The following GCA variants were observed in gnomAD, a reference collection of about 807,000 sequenced individuals.
GCA encodes the protein grancalcin, also known as grancalcin, EF-hand calcium-binding protein.
In GCA, 30 loss-of-function variants were observed where a neutral mutation model predicts 32.6. The ratio of observed to expected loss-of-function variants is 0.92; its 90% confidence interval spans 0.69 to 1.25. The LOEUF (loss-of-function observed/expected upper bound fraction) is 1.25. Among genes scored for constraint, GCA ranks in the 50% most tolerant of loss-of-function variants. GCA has a pLI of 0.00. For missense variants in GCA, 291 were observed against 266.8 expected (o/e 1.09, Z -0.63); for synonymous variants, 102 against 84.6 (o/e 1.21, Z -1.13).
intron 4 of GCA, 40 bp downstream of exon 4, chr2:162,356,521 T>G: frequency 8.0e-7 from 1 of 1,249,796 alleles, no homozygotes; most frequent in South Asian, 1.2e-5. Flanking sequence ...GAATAAAGAG[T>G]AATTGCTTTC....
At chr2:162,357,524 C>T (rs1272083065) in intron 5 of GCA, among the ~76,000 whole-genome samples, 3 of 151,736 alleles carry the variant, frequency 2.0e-5, no homozygotes, top group Non-Finnish European at 3.0e-5. Context: ...TTGTGATTTA[C>T]ACTCTTCTAA....
chr2:162,373,816 G>T (rs1686056143), downstream of GCA, among the ~76,000 whole-genome samples: 2 of 152,188 alleles, frequency 1.3e-5, no homozygotes, highest in African/African-American at 4.8e-5. Flanking sequence ...TTTCCTGACG[G>T]ATACTTACTG....
chr2:162,351,965 TCTC>T (rs1685020895), intron 2 of GCA, among the ~76,000 whole-genome samples: 1 of 152,242 alleles, frequency 6.6e-6, no homozygotes, highest in East Asian at 1.9e-4. Flanking sequence ...TTATAAATAA[TCTC>T]CTCCCAAAAC....
At chr2:162,348,319 A>G (rs929036173) in intron 2 of GCA, among the ~76,000 whole-genome samples, 1 of 152,102 alleles carries the variant, frequency 6.6e-6, no homozygotes, top group South Asian at 2.1e-4. Flanking sequence ...CCTCACTCCC[A>G]TTTTTTAAAA....
At chr2:162,350,433 C>T (rs942087622) in intron 2 of GCA, among the ~76,000 whole-genome samples, 1 of 152,150 alleles carries the variant, frequency 6.6e-6, no homozygotes, top group Non-Finnish European at 1.5e-5. Context: ...CAATAAACCC[C>T]TATTGGTTTA....
chr2:162,343,102 C>T (rs536536099), upstream of GCA, among the ~76,000 whole-genome samples: 132 of 152,354 alleles, frequency 8.7e-4, 1 homozygote, highest in South Asian at 9.9e-3. Context: ...AGATACTCAG[C>T]TCTGCAAGGC....
At chr2:162,333,046 T>C (rs1262376207) in intron 1 of GCA, among the ~76,000 whole-genome samples, 2 of 152,114 alleles carry the variant, frequency 1.3e-5, no homozygotes, top group Admixed American at 1.3e-4. Context: ...AGAAATATGG[T>C]ATCAGGGCTT....
At chr2:162,328,196 C>A (rs1320478382) in intron 1 of GCA, among the ~76,000 whole-genome samples, 10 of 111,592 alleles carry the variant, frequency 9.0e-5, no homozygotes, top group South Asian at 2.9e-4. Context: ...GCCTGGCCAA[C>A]ATGGTGAAAC....
At chr2:162,331,154 G>T (rs1193588174) in intron 1 of GCA, among the ~76,000 whole-genome samples, 1 of 152,162 alleles carries the variant, frequency 6.6e-6, no homozygotes, top group African/African-American at 2.4e-5. Context: ...TGTGAAAAAT[G>T]TGGCACTAAA....
chr2:162,345,688 C>T (rs918080357), intron 1 of GCA, among the ~76,000 whole-genome samples: 2 of 151,986 alleles, frequency 1.3e-5, no homozygotes, highest in African/African-American at 2.4e-5. Context: ...TATTAATCGC[C>T]GGAAAGAGAA....
rs1188863191 is a variant in GCA at position 162,347,648 on chromosome 2, T to C, written c.98T>C (p.Ile33Thr). ...GQPVPETGPA[I>T]LLDGYSGPAY... is the part of the protein sequence containing the mutation. ...CCAGTGCCAGAAACAGGCCCAGCTA[T>C]ACTCCTCGATGGATACTCTGGGCCA... Residue 33 changes from isoleucine to threonine, a missense_variant, in exon 2 of 8, where the codon ATA becomes ACA. Ile to Thr is a moderately conservative substitution (Grantham distance 89). Transcript: ENST00000437150. 1 of 1,610,626 alleles carries C rather than the reference T, an allele frequency of 6.2e-7. No individual in the cohort carries two copies. Among genetic ancestry groups the C allele is most frequent in the Non-Finnish European group, 8.5e-7 (1 of 1,177,424 alleles).
chr2:162,348,183 G>C (rs1684806146), intron 2 of GCA, among the ~76,000 whole-genome samples: 1 of 152,094 alleles, frequency 6.6e-6, no homozygotes, highest in Non-Finnish European at 1.5e-5. Context: ...CTGAGTGATA[G>C]ATAACACAAA....
intron 1 of GCA, among the ~76,000 whole-genome samples, chr2:162,337,513 T>G (rs1684305894): frequency 6.6e-6 from 1 of 152,238 alleles, no homozygotes; most frequent in African/African-American, 2.4e-5. Context: ...TGCCATCTGC[T>G]TTTTTCTGGT....
At chr2:162,374,294 C>T (rs1015654257), downstream of GCA, among the ~76,000 whole-genome samples, 1 of 152,136 alleles carries the variant, frequency 6.6e-6, no homozygotes, top group Admixed American at 6.6e-5. Context: ...CTTCTAATGA[C>T]CCATCTGGCC....
chr2:162,371,659 C>T (rs534785053), downstream of GCA: 29 of 790,914 alleles, frequency 3.7e-5, no homozygotes, highest in South Asian at 5.7e-4. Flanking sequence ...TATTTACATC[C>T]TAACTGCTCA....
At chr2:162,342,460 G>T (rs1684483741), upstream of GCA, among the ~76,000 whole-genome samples, 1 of 152,140 alleles carries the variant, frequency 6.6e-6, no homozygotes, top group African/African-American at 2.4e-5. Context: ...CCCTCGTTCT[G>T]AAGTCCCACA....
intron 2 of GCA, among the ~76,000 whole-genome samples, chr2:162,347,959 A>G (rs754123102): frequency 5.3e-5 from 8 of 152,182 alleles, no homozygotes; most frequent in Admixed American, 1.3e-4. Context: ...TTTGACTAAA[A>G]GAGGAAACAT....
At chr2:162,352,531 T>C in intron 3 of GCA, 124 bp downstream of exon 3, 1 of 635,190 alleles carries the variant, frequency 1.6e-6, no homozygotes, top group Non-Finnish European at 2.8e-6. Context: ...GTTTAAGGAG[T>C]CAAATAACTG....
chr2:162,337,530 G>GGCA (rs893866697), intron 1 of GCA, among the ~76,000 whole-genome samples: 78 of 152,182 alleles, frequency 5.1e-4, no homozygotes, highest in African/African-American at 1.9e-3. Flanking sequence ...TGGTGGAAGT[G>GGCA]GCAGCAGCAG....
Sources: allele counts gnomAD v4.1 joint callset (sites outside exome capture counted in the v4.1 genomes callset), GRCh38; gene constraint gnomAD v4.1.1; transcripts MANE v1.5; gene names NCBI Gene and HGNC (gene_info 2026-07-23, HGNC 2026-07-21).